CDH12: variants seen among roughly 807,000 people sequenced by gnomAD.
CDH12 encodes cadherin-12.
Under a neutral mutation model 74.1 loss-of-function variants are expected in CDH12, and 41 were observed. The observed-to-expected ratio is 0.55, with a 90% CI of 0.43 to 0.72. CDH12 has a LOEUF of 0.72. Among genes scored for constraint, CDH12 ranks in the 30% least tolerant of loss-of-function variants. The pLI, the probability that CDH12 is intolerant of heterozygous loss-of-function variation, is 0.00. For synonymous variants in CDH12, 399 were observed against 355.0 expected (o/e 1.12, Z -1.39); for missense variants, 945 against 977.2 (o/e 0.97, Z 0.44).
At chr5:22,090,209 A>G (rs899833355) in intron 4 of CDH12, among the ~76,000 whole-genome samples, 19 of 151,986 alleles carry the variant, frequency 1.3e-4, no homozygotes, top group African/African-American at 3.9e-4. Flanking sequence ...CATCACTATC[A>G]ACCTTCTAAC....
At chr5:22,304,099 C>G (rs559058086) in intron 3 of CDH12, among the ~76,000 whole-genome samples, 4 of 152,060 alleles carry the variant, frequency 2.6e-5, no homozygotes, top group African/African-American at 7.2e-5. Flanking sequence ...ACATATTACT[C>G]AGCATGTTGA....
intron 3 of CDH12, among the ~76,000 whole-genome samples, chr5:22,335,655 A>G (rs1237290996): frequency 6.6e-6 from 1 of 151,814 alleles, no homozygotes; most frequent in African/African-American, 2.4e-5. Flanking sequence ...GCCTGCTGCT[A>G]TCCATGTAAA....
intron 3 of CDH12, among the ~76,000 whole-genome samples, chr5:22,262,565 G>A (rs1233876497): frequency 1.3e-4 from 19 of 150,940 alleles, no homozygotes; most frequent in South Asian, 2.1e-4. Context: ...GAATAGTGCC[G>A]CAATAAACAT....
chr5:21,802,100 T>C (rs1579728167), intron 10 of CDH12, 67 bp downstream of exon 10: 1 of 1,431,670 alleles, frequency 7.0e-7, no homozygotes, highest in East Asian at 2.4e-5. Flanking sequence ...GAATTGGTTC[T>C]CTGGTTTTTG....
At chr5:22,732,767 G>A (rs1318221817) in intron 1 of CDH12, among the ~76,000 whole-genome samples, 1 of 151,744 alleles carries the variant, frequency 6.6e-6, no homozygotes, top group Non-Finnish European at 1.5e-5. Flanking sequence ...GAAGTATGGG[G>A]CAGATTCTTC....
chr5:22,688,667 T>TA (rs1382219485), intron 1 of CDH12, among the ~76,000 whole-genome samples: 1 of 152,194 alleles, frequency 6.6e-6, no homozygotes, highest in African/African-American at 2.4e-5. Flanking sequence ...AAAGCAAATG[T>TA]AAGAAACATT....
chr5:22,407,935 T>C (rs1437900844), intron 2 of CDH12, among the ~76,000 whole-genome samples: 2 of 152,116 alleles, frequency 1.3e-5, no homozygotes, highest in Admixed American at 6.6e-5. Flanking sequence ...TACTGTACTG[T>C]GTAGAAATAG....
In CDH12 at chr5:22,528,277, G is replaced by C. The variant is rs575779903; in HGVS notation, c.-522-22913C>G. 3.9e-4 allele frequency among the ~76,000 whole-genome samples: 60 copies of C among 152,194 alleles called. No homozygotes were observed. In the South Asian group the frequency reaches 0.012, roughly 31 times the overall value. ...AGAGAGGTCACTTCCACTGTGAGTA[G>C]GGGGGGTTGCTTCCACTGGTGGTGG... On this transcript the variant is annotated intron_variant, in intron 1 of 14. Coordinates refer to ENST00000382254, the MANE Select transcript of CDH12 (RefSeq NM_004061.5).
In CDH12 at chr5:21,807,983, T is replaced by A. The variant is rs183321775; in HGVS notation, c.1003-5563A>T. On this transcript the variant is annotated intron_variant, in intron 9 of 14. Coordinates refer to ENST00000382254, the MANE Select transcript of CDH12 (RefSeq NM_004061.5). ...TGCAGATGCTTTTCGTCCTGCCTTA[T>A]AAGAAGTAAATTTGTCATTATAGGA... 4.1e-3 allele frequency among the ~76,000 whole-genome samples: 617 copies of A among 152,200 alleles called. 5 individuals carry two copies. Among genetic ancestry groups the A allele is most frequent in the African/African-American group, 0.014 (587 of 41,546 alleles).
chr5:22,464,811 G>C (rs972284799), intron 2 of CDH12, among the ~76,000 whole-genome samples: 8 of 152,016 alleles, frequency 5.3e-5, no homozygotes, highest in African/African-American at 1.9e-4. Flanking sequence ...ACATCAGCCT[G>C]GTTAACATGG....
intron 1 of CDH12, among the ~76,000 whole-genome samples, chr5:22,763,978 T>G (rs1404757947): frequency 6.6e-6 from 1 of 151,920 alleles, no homozygotes; most frequent in Non-Finnish European, 1.5e-5. Flanking sequence ...TCTCTTTGGC[T>G]TACAAAATTG....
At chr5:22,586,282 G>C (rs1740396775) in intron 1 of CDH12, among the ~76,000 whole-genome samples, 1 of 151,894 alleles carries the variant, frequency 6.6e-6, no homozygotes, top group Non-Finnish European at 1.5e-5. Flanking sequence ...GGTGGGAATT[G>C]AACAATGAGA....
chr5:22,269,476 A>T (rs1373872325), intron 3 of CDH12, among the ~76,000 whole-genome samples: 1 of 152,100 alleles, frequency 6.6e-6, no homozygotes, highest in Non-Finnish European at 1.5e-5. Context: ...CTTTCTCCAT[A>T]TATAGACTCT....
intron 6 of CDH12, among the ~76,000 whole-genome samples, chr5:21,954,019 T>C (rs1755985206): frequency 1.3e-5 from 2 of 152,022 alleles, no homozygotes; most frequent in African/African-American, 2.4e-5. Flanking sequence ...TAAACTGACA[T>C]TGATGGAAAA....
chr5:22,251,288 C>T lies in CDH12; in HGVS notation c.-332-38645G>A, dbSNP rs374284114. 2.6e-5 allele frequency among the ~76,000 whole-genome samples: 4 copies of T among 152,168 alleles called. No homozygotes were observed. The East Asian group carries it at 7.7e-4, about 29-fold the overall frequency. On this transcript the variant is annotated intron_variant, in intron 3 of 14. Transcript: ENST00000382254. ...CAGCTGATGGACAGTCTTCTACTGA[C>T]ACTGATGGACAGGTGGTAAGGCCAT...
chr5:22,528,311 C>G (rs1231584530), intron 1 of CDH12, among the ~76,000 whole-genome samples: 1 of 152,072 alleles, frequency 6.6e-6, no homozygotes, highest in Non-Finnish European at 1.5e-5. Flanking sequence ...GGAGAGGTCT[C>G]TTCCATTGGC....
At chr5:22,544,970 T>C (rs927634835) in intron 1 of CDH12, among the ~76,000 whole-genome samples, 7 of 146,926 alleles carry the variant, frequency 4.8e-5, no homozygotes, top group Admixed American at 3.8e-4. Flanking sequence ...TAGTGAGATG[T>C]GGCAAAAAAA....
intron 1 of CDH12, among the ~76,000 whole-genome samples, chr5:22,541,234 T>C (rs980040): frequency 0.36 from 55,438 of 151,966 alleles, 10,721 homozygotes; most frequent in East Asian, 0.64. Context: ...CTGTCAAAGC[T>C]CCATAAAATC....
chr5:22,832,267 ATAATGTATGT>A (rs1202215497), intron 1 of CDH12, among the ~76,000 whole-genome samples: 5 of 152,186 alleles, frequency 3.3e-5, no homozygotes, highest in Non-Finnish European at 5.9e-5. Context: ...ATTAACTGTG[ATAATGTATGT>A]TAAAGTACTT....
Sources: allele counts gnomAD v4.1 joint callset (sites outside exome capture counted in the v4.1 genomes callset), GRCh38; gene constraint gnomAD v4.1.1; transcripts MANE v1.5; gene names NCBI Gene and HGNC (gene_info 2026-07-23, HGNC 2026-07-21).